EYS: variants seen among roughly 807,000 people sequenced by gnomAD.
EYS encodes protein eyes shut homolog.
In EYS, 250 loss-of-function variants were observed where a neutral mutation model predicts 282.1. The observed-to-expected ratio is 0.89, with a 90% CI of 0.80 to 0.98. The LOEUF (loss-of-function observed/expected upper bound fraction) is 0.98. Among genes scored for constraint, EYS ranks in the 50% least tolerant of loss-of-function variants. The probability of loss-of-function intolerance (pLI) is 0.00; values close to 1 mark genes in which losing one functional copy is unlikely to be tolerated. For missense variants in EYS, 4,016 were observed against 3,709.0 expected (o/e 1.08, Z -2.15); for synonymous variants, 1,355 against 1,282.9 (o/e 1.06, Z -1.20).
At chr6:64,623,568 A>T (rs1176291065) in intron 23 of EYS, among the ~76,000 whole-genome samples, 1 of 152,186 alleles carries the variant, frequency 6.6e-6, no homozygotes, top group Admixed American at 6.5e-5. Flanking sequence ...CATGCCAAAG[A>T]ACTCACACAT....
chr6:64,097,530 G>C (rs567209618), intron 31 of EYS, among the ~76,000 whole-genome samples: 3 of 152,178 alleles, frequency 2.0e-5, no homozygotes, highest in Admixed American at 6.5e-5. Context: ...ACAAGGCTGC[G>C]TGGGTGTAGG....
chr6:65,421,335 T>C (rs552560471), intron 5 of EYS, among the ~76,000 whole-genome samples: 1 of 151,874 alleles, frequency 6.6e-6, no homozygotes, highest in African/African-American at 2.4e-5. Flanking sequence ...CTCTGCTAGA[T>C]TCAAACTTTT....
At chr6:64,104,786 C>T (rs533587508) in intron 31 of EYS, among the ~76,000 whole-genome samples, 1 of 144,108 alleles carries the variant, frequency 6.9e-6, no homozygotes, top group East Asian at 2.1e-4. Context: ...CAGTAGTTTC[C>T]AAACTTGTTA....
chr6:64,396,304 G>T (rs1393523711), intron 28 of EYS, among the ~76,000 whole-genome samples: 1 of 152,060 alleles, frequency 6.6e-6, no homozygotes, highest in Non-Finnish European at 1.5e-5. Flanking sequence ...ACAGAAATGT[G>T]CATTTCTGTT....
chr6:63,811,070 G>A lies in EYS; in HGVS notation c.7229-4698C>T, dbSNP rs144951167. 2.6e-5 allele frequency among the ~76,000 whole-genome samples: 4 copies of A among 152,214 alleles called. No homozygotes were observed. In the East Asian group the frequency reaches 7.7e-4, roughly 29 times the overall value. On this transcript the variant is annotated intron_variant, in intron 36 of 42. Transcript: ENST00000503581. Reference sequence around the variant, plus strand: ...AGAAATTCTGTCCTGCCTCCCAGGAGTTACCAAATTATTCTTCTCTACTGC... The same window carrying A: ...AGAAATTCTGTCCTGCCTCCCAGGAATTACCAAATTATTCTTCTCTACTGC...
intron 31 of EYS, among the ~76,000 whole-genome samples, chr6:64,119,985 TTTAACA>T (rs199671986): frequency 0.019 from 2,928 of 152,254 alleles, 79 homozygotes; most frequent in African/African-American, 0.066. Context: ...TTATTAGTGT[TTTAACA>T]TTACATTTGG....
chr6:65,342,800 A>T (rs1028146836), intron 10 of EYS, among the ~76,000 whole-genome samples: 8 of 150,830 alleles, frequency 5.3e-5, no homozygotes, highest in Non-Finnish European at 1.2e-4. Flanking sequence ...CTTGAGTCTA[A>T]AGAAATTGTC....
chr6:65,116,700 AAAC>A (rs772929979), intron 12 of EYS, among the ~76,000 whole-genome samples: 27 of 152,286 alleles, frequency 1.8e-4, no homozygotes, highest in Non-Finnish European at 3.4e-4. Flanking sequence ...AAACAAAACA[AAAC>A]AACAACAAAA....
intron 26 of EYS, among the ~76,000 whole-genome samples, chr6:64,441,558 G>C (rs1189832654): frequency 1.3e-5 from 2 of 152,148 alleles, no homozygotes; most frequent in Non-Finnish European, 2.9e-5. Flanking sequence ...AAGTGGACCA[G>C]TTAAGATCAA....
Position 64,591,627 on chromosome 6 carries a change from A to G in EYS, c.4240T>C (p.Cys1414Arg), listed in dbSNP as rs1381742131. The change falls in exon 26 of 43, where the codon TGT (cysteine) becomes CGT (arginine). Residue 1414 changes from cysteine to arginine, a missense_variant. Transcript: ENST00000503581. ...GTAGCAGATAAAGCAACAGTCTGAC[A>G]GTTCTCAAATAATAAAGATTGTGTA... ...FPTQSLLFEN[C>R]QTVALSATPT... is the part of the protein sequence containing the mutation. The G allele has an allele frequency of 3.9e-6, 6 of 1,551,264 alleles. No homozygotes were observed. The highest frequency in any genetic ancestry group is 1.7e-4 in the Middle Eastern group (1 of 5,990).
chr6:63,736,535 T>C (rs1198420642), intron 41 of EYS, among the ~76,000 whole-genome samples: 1 of 152,214 alleles, frequency 6.6e-6, no homozygotes, highest in Non-Finnish European at 1.5e-5. Flanking sequence ...CCTCCAGCTT[T>C]GTTCTTCTGG....
chr6:65,439,652 T>C, intron 5 of EYS, among the ~76,000 whole-genome samples: 1 of 152,162 alleles, frequency 6.6e-6, no homozygotes, highest in Non-Finnish European at 1.5e-5. Context: ...TCTCTGTTTT[T>C]CTGTTATTGG....
chr6:65,663,775 G>A (rs1009761611), intron 1 of EYS, among the ~76,000 whole-genome samples: 2 of 151,816 alleles, frequency 1.3e-5, no homozygotes, highest in Admixed American at 6.6e-5. Context: ...TCCGCCTCCC[G>A]GGTTCAGGCC....
At chr6:64,999,902 T>C (rs1021141767) in intron 13 of EYS, among the ~76,000 whole-genome samples, 14 of 152,130 alleles carry the variant, frequency 9.2e-5, no homozygotes, top group African/African-American at 3.1e-4. Flanking sequence ...GAGAGCTACT[T>C]CCACCCAGTA....
chr6:64,275,573 C>A (rs1421994211), intron 30 of EYS, among the ~76,000 whole-genome samples: 1 of 151,536 alleles, frequency 6.6e-6, no homozygotes, highest in African/African-American at 2.4e-5. Context: ...CCTGCCACCA[C>A]GCCCGGCTAA....
At chr6:64,327,149 G>A (rs990606241) in intron 29 of EYS, among the ~76,000 whole-genome samples, 6 of 152,062 alleles carry the variant, frequency 3.9e-5, no homozygotes, top group African/African-American at 1.4e-4. Flanking sequence ...TATGTGCTCT[G>A]AGGTGAATGT....
intron 28 of EYS, among the ~76,000 whole-genome samples, chr6:64,425,657 GAAAAAAAAAAA>G (rs34577912): frequency 1.2e-4 from 8 of 67,812 alleles, no homozygotes; most frequent in South Asian, 1.1e-3. Flanking sequence ...TCCATCCCAG[GAAAAAAAAAAA>G]AAAAAAAAAA....
chr6:65,498,708 T>C (rs1766341039), intron 2 of EYS, among the ~76,000 whole-genome samples: 1 of 151,978 alleles, frequency 6.6e-6, no homozygotes, highest in South Asian at 2.1e-4. Context: ...TGTATATCTA[T>C]ACATGCTGAA....
At chr6:65,480,500 T>C (rs1435505445) in intron 5 of EYS, among the ~76,000 whole-genome samples, 2 of 152,182 alleles carry the variant, frequency 1.3e-5, no homozygotes, top group Non-Finnish European at 2.9e-5. Context: ...ATTATACTTA[T>C]ATTTCTGCCA....
Sources: allele counts gnomAD v4.1 joint callset (sites outside exome capture counted in the v4.1 genomes callset), GRCh38; gene constraint gnomAD v4.1.1; transcripts MANE v1.5; gene names NCBI Gene and HGNC (gene_info 2026-07-23, HGNC 2026-07-21).